The following RBFOX1 variants were observed in gnomAD, a reference collection of about 807,000 sequenced individuals.
RBFOX1 encodes the protein RNA binding fox-1 homolog 1, also known as RNA binding protein fox-1 homolog 1.
In RBFOX1, 8 loss-of-function variants were observed where a neutral mutation model predicts 57.7. The ratio of observed to expected loss-of-function variants is 0.14; its 90% CI spans 0.08 to 0.25. The LOEUF is 0.25. Among genes scored for constraint, RBFOX1 ranks in the 10% least tolerant of loss-of-function variants. The pLI is 1.00. For synonymous variants in RBFOX1, 326 were observed against 222.4 expected, an observed-to-expected ratio of 1.47 and a Z score of -4.15; for missense variants, 611 against 548.5, an observed-to-expected ratio of 1.11 and a Z score of -1.14.
chr16:6,545,219 C>A (rs2096878631), intron 2 of RBFOX1, among the ~76,000 whole-genome samples: 1 of 152,180 alleles, frequency 6.6e-6, no homozygotes. Context: ...CTTTTCCTTG[C>A]CTTCAGATCC....
At chr16:6,611,688 A>C (rs1255631536) in intron 2 of RBFOX1, among the ~76,000 whole-genome samples, 1 of 152,086 alleles carries the variant, frequency 6.6e-6, no homozygotes, top group African/African-American at 2.4e-5. Flanking sequence ...ATTCCGGCTT[A>C]CCTTGTCCGT....
chr16:5,629,201 A>C (rs745312629), intron 3 of RBFOX1, among the ~76,000 whole-genome samples: 13 of 152,236 alleles, frequency 8.5e-5, no homozygotes, highest in Non-Finnish European at 1.3e-4. Flanking sequence ...ACAGAATGTA[A>C]ATTCAAAGCA....
At chr16:6,881,234 G>C (rs919354335) in intron 3 of RBFOX1, among the ~76,000 whole-genome samples, 1 of 152,218 alleles carries the variant, frequency 6.6e-6, no homozygotes, top group Non-Finnish European at 1.5e-5. Context: ...GCATGAATTA[G>C]ATATAAGGTT....
chr16:6,531,637 C>T (rs890260825), intron 2 of RBFOX1, among the ~76,000 whole-genome samples: 3 of 152,078 alleles, frequency 2.0e-5, no homozygotes, highest in Admixed American at 6.5e-5. Context: ...ACGAATGACC[C>T]ATTCTCGGAG....
chr16:5,280,362 T>G (rs946501492), intron 1 of RBFOX1, among the ~76,000 whole-genome samples: 3 of 152,254 alleles, frequency 2.0e-5, no homozygotes, highest in African/African-American at 7.2e-5. Context: ...AATTTTTCCA[T>G]CTGTGTGTAT....
chr16:5,573,428 C>A (rs2046350952), intron 2 of RBFOX1, among the ~76,000 whole-genome samples: 2 of 152,186 alleles, frequency 1.3e-5, no homozygotes, highest in Admixed American at 6.5e-5. Context: ...TTCCTGGACC[C>A]CCACCTGAAT....
At chr16:7,248,855 G>A (rs1384651720) in intron 4 of RBFOX1, among the ~76,000 whole-genome samples, 2 of 152,168 alleles carry the variant, frequency 1.3e-5, no homozygotes, top group African/African-American at 4.8e-5. Context: ...TTTGTAATCT[G>A]TATGTATATC....
intron 3 of RBFOX1, among the ~76,000 whole-genome samples, chr16:5,633,903 A>T (rs1305138136): frequency 6.6e-6 from 1 of 152,208 alleles, no homozygotes; most frequent in Admixed American, 6.5e-5. Flanking sequence ...TCTCAAAAGA[A>T]GATATACAGA....
At chr16:7,528,048 G>A (rs770348750) in intron 5 of RBFOX1, among the ~76,000 whole-genome samples, 33 of 152,180 alleles carry the variant, frequency 2.2e-4, no homozygotes, top group Non-Finnish European at 4.6e-4. Context: ...TCTAAGTCTA[G>A]GTCGTGGGCA....
chr16:5,561,315 T>A (rs1308974083), intron 2 of RBFOX1, among the ~76,000 whole-genome samples: 3 of 152,176 alleles, frequency 2.0e-5, no homozygotes, highest in Admixed American at 1.3e-4. Context: ...AATATGTATT[T>A]CAGATACTTA....
Position 5,719,676 on chromosome 16 carries a change from T to C in RBFOX1, c.318+120715T>C, listed in dbSNP as rs557799717. Among the ~76,000 whole-genome samples the C allele has an allele frequency of 2.0e-5, 3 of 152,280 alleles. No individual in the cohort carries two copies. In the East Asian group the frequency reaches 5.8e-4, roughly 29 times the overall value. On this transcript the variant is annotated intron_variant, in intron 3 of 19. Transcript: ENST00000641259. ...AAATCATACCGTAGGTGGCCTCTTG[T>C]GCCTGTGTTTTTTTGCTGAGCATAA...
chr16:5,954,300 C>T (rs2059580980), intron 4 of RBFOX1, among the ~76,000 whole-genome samples: 1 of 152,194 alleles, frequency 6.6e-6, no homozygotes, highest in Non-Finnish European at 1.5e-5. Flanking sequence ...GACAGGCCCT[C>T]AGGTGAGCAT....
chr16:5,616,815 C>G (rs1038160804), intron 3 of RBFOX1, among the ~76,000 whole-genome samples: 6 of 149,830 alleles, frequency 4.0e-5, no homozygotes, highest in African/African-American at 7.4e-5. Flanking sequence ...TCCCCCTCCT[C>G]CATCCTCTTC....
chr16:6,839,562 T>C (rs1319030460), intron 3 of RBFOX1, among the ~76,000 whole-genome samples: 1 of 152,160 alleles, frequency 6.6e-6, no homozygotes, highest in Non-Finnish European at 1.5e-5. Flanking sequence ...AACACTGAAA[T>C]GCCAGCCCTG....
intron 2 of RBFOX1, among the ~76,000 whole-genome samples, chr16:5,480,682 G>C (rs1415921195): frequency 6.6e-6 from 1 of 152,192 alleles, no homozygotes; most frequent in Non-Finnish European, 1.5e-5. Flanking sequence ...ATTTATACCA[G>C]AGTGGTCATT....
chr16:5,543,379 A>G (rs933801868), intron 2 of RBFOX1, among the ~76,000 whole-genome samples: 3 of 152,202 alleles, frequency 2.0e-5, no homozygotes, highest in Admixed American at 6.5e-5. Context: ...ACTCTGTGAT[A>G]TTTGAGATTT....
intron 3 of RBFOX1, among the ~76,000 whole-genome samples, chr16:6,751,452 C>G (rs933295991): frequency 1.3e-5 from 2 of 152,168 alleles, no homozygotes; most frequent in African/African-American, 2.4e-5. Flanking sequence ...ACCCTGATGA[C>G]TGAACATCCT....
intron 4 of RBFOX1, among the ~76,000 whole-genome samples, chr16:7,501,388 G>C (rs2070796785): frequency 6.6e-6 from 1 of 152,184 alleles, no homozygotes; most frequent in South Asian, 2.1e-4. Context: ...ATCTTGGCAT[G>C]TATCATTGTT....
chr16:6,998,770 T>C (rs1247227331), intron 3 of RBFOX1, among the ~76,000 whole-genome samples: 1 of 152,086 alleles, frequency 6.6e-6, no homozygotes, highest in Non-Finnish European at 1.5e-5. Flanking sequence ...AGGAAGGGCA[T>C]TTTATTACAG....
Sources: gnomAD v4.1 joint callset for allele counts (sites outside exome capture counted in the v4.1 genomes callset) on GRCh38, gnomAD v4.1.1 for gene constraint, MANE v1.5 for transcripts, NCBI Gene and HGNC (gene_info 2026-07-23, HGNC 2026-07-21) for gene names.